The following ZHX2 variants were observed in gnomAD, a reference collection of about 807,000 sequenced individuals.
The protein encoded by ZHX2 is zinc fingers and homeoboxes protein 2.
ZHX2 carries 6 observed loss-of-function variants against 21.9 expected under a neutral mutation model. That is an observed-to-expected ratio of 0.27 (90% CI 0.15 to 0.54). ZHX2 has a LOEUF of 0.54. Among genes scored for constraint, ZHX2 ranks in the 20% least tolerant of loss-of-function variants. The pLI is 0.95. For synonymous variants in ZHX2, 434 were observed against 437.1 expected (o/e 0.99, Z 0.09); for missense variants, 908 against 1,090.7 (o/e 0.83, Z 2.36).
chr8:122,952,159 C>T lies in ZHX2; in HGVS notation c.649C>T (p.Arg217Cys), dbSNP rs750784294. Residue 217 changes from arginine (R) to cysteine (C), a missense_variant, in exon 3 of 4, where the codon CGC becomes TGC. Physicochemically the swap from Arg to Cys is radical, Grantham distance 180. Transcript: ENST00000314393. The surrounding 1 kb of genome is among the most constrained non-coding windows in gnomAD (Gnocchi z 6.9). ...CGAGAACCACGTGGAAGGGACCGCC[C>T]GCCTGGTGACAGACACAGCTGAGAT... ...TPENHVEGTA[R>C]LVTDTAEILS... 26 of 1,613,500 alleles carry T rather than the reference C, an allele frequency of 1.6e-5. No individual in the cohort carries two copies. Among genetic ancestry groups the T allele is most frequent in the East Asian group, 6.7e-5 (3 of 44,842 alleles).
At chr8:122,937,409 A>C in intron 2 of ZHX2, among the ~76,000 whole-genome samples, 1 of 152,170 alleles carries the variant, frequency 6.6e-6, no homozygotes, top group East Asian at 1.9e-4. Flanking sequence ...TAGATATGTT[A>C]AATCTGAGGT....
intron 3 of ZHX2, among the ~76,000 whole-genome samples, chr8:122,961,286 T>A (rs1233229754): frequency 6.6e-6 from 1 of 152,198 alleles, no homozygotes; most frequent in Non-Finnish European, 1.5e-5. Flanking sequence ...CCTATGAGAT[T>A]AGGACTTAAT....
At chr8:122,825,818 G>A (rs1457944858) in intron 1 of ZHX2, among the ~76,000 whole-genome samples, 1 of 152,146 alleles carries the variant, frequency 6.6e-6, no homozygotes, top group African/African-American at 2.4e-5. Flanking sequence ...AATGTCATTT[G>A]TCAGAAACCA....
chr8:122,790,797 G>A (rs1385207756), intron 1 of ZHX2, among the ~76,000 whole-genome samples: 4 of 151,988 alleles, frequency 2.6e-5, no homozygotes, highest in Non-Finnish European at 5.9e-5. Flanking sequence ...TAGTAGAGAC[G>A]GGGTTTCACC....
chr8:122,810,140 A>G (rs1458303397), intron 1 of ZHX2, among the ~76,000 whole-genome samples: 1 of 152,238 alleles, frequency 6.6e-6, no homozygotes, highest in African/African-American at 2.4e-5. Flanking sequence ...AATAAATGGC[A>G]TAAATGAAGA....
chr8:122,849,595 C>T (rs149328644), intron 1 of ZHX2, among the ~76,000 whole-genome samples: 8 of 152,266 alleles, frequency 5.3e-5, no homozygotes, highest in African/African-American at 7.2e-5. Flanking sequence ...TCTGTCTTCA[C>T]GTCACCTTCT....
chr8:122,908,296 T>C (rs375224588), intron 2 of ZHX2, among the ~76,000 whole-genome samples: 9 of 152,138 alleles, frequency 5.9e-5, no homozygotes, highest in African/African-American at 1.9e-4. Context: ...GCCTCCCGAG[T>C]TCAAGAGATT....
At chr8:122,875,356 C>G (rs1044200339) in intron 2 of ZHX2, among the ~76,000 whole-genome samples, 1 of 151,612 alleles carries the variant, frequency 6.6e-6, no homozygotes, top group East Asian at 1.9e-4. Context: ...AATATGCAAC[C>G]GAGGTTGCAT....
chr8:122,907,884 A>AGG (rs1194304188), intron 2 of ZHX2, among the ~76,000 whole-genome samples: 4 of 152,180 alleles, frequency 2.6e-5, no homozygotes, highest in Admixed American at 2.0e-4. Context: ...GCACTACAGT[A>AGG]GGGGTTTTTT....
chr8:122,892,891 G>A lies in ZHX2; in HGVS notation c.-220+29352G>A, dbSNP rs554342431. On this transcript the variant is annotated intron_variant, in intron 2 of 3. Coordinates refer to ENST00000314393, the MANE Select transcript of ZHX2 (RefSeq NM_014943.5). ...AGTAGAGATGGGGTTTCACTATGTT[G>A]GCCAGACTGGTATCAAACTTCAGAC... Among the ~76,000 whole-genome samples the A allele has an allele frequency of 2.0e-5, 3 of 152,168 alleles. No individual in the cohort carries two copies. In the East Asian group the frequency reaches 5.8e-4, roughly 29 times the overall value.
chr8:122,886,707 T>C (rs149010374), intron 2 of ZHX2, among the ~76,000 whole-genome samples: 1 of 152,324 alleles, frequency 6.6e-6, no homozygotes, highest in East Asian at 1.9e-4. Context: ...AAAATTATTG[T>C]AATCATAATA....
At chr8:122,824,142 A>G (rs1353550363) in intron 1 of ZHX2, among the ~76,000 whole-genome samples, 1 of 151,988 alleles carries the variant, frequency 6.6e-6, no homozygotes, top group African/African-American at 2.4e-5. Flanking sequence ...GTCAAAGCTG[A>G]CCCTGGGAGG....
chr8:122,944,670 A>G (rs1812925580), intron 2 of ZHX2, among the ~76,000 whole-genome samples: 1 of 152,168 alleles, frequency 6.6e-6, no homozygotes. Context: ...TTCGGCAACT[A>G]GAACAGCATC....
intron 1 of ZHX2, among the ~76,000 whole-genome samples, chr8:122,836,899 A>G (rs1258133549): frequency 6.6e-6 from 1 of 152,178 alleles, no homozygotes; most frequent in Non-Finnish European, 1.5e-5. Flanking sequence ...CAATTAGGGC[A>G]TTCTAAGGCA....
At chr8:122,870,658 AAAAAAAAAG>A (rs1250441103) in intron 2 of ZHX2, among the ~76,000 whole-genome samples, 7 of 143,882 alleles carry the variant, frequency 4.9e-5, no homozygotes, top group African/African-American at 1.4e-4. Context: ...AAAAAAAAAA[AAAAAAAAAG>A]AAAGAGAAAG....
intron 1 of ZHX2, among the ~76,000 whole-genome samples, chr8:122,822,045 G>A (rs980768377): frequency 3.3e-5 from 5 of 152,132 alleles, no homozygotes; most frequent in Non-Finnish European, 7.3e-5. Context: ...GCCCTATTGA[G>A]AGAGGATGCC....
At chr8:122,784,704 A>G (rs1449568842) in intron 1 of ZHX2, among the ~76,000 whole-genome samples, 12 of 152,364 alleles carry the variant, frequency 7.9e-5, no homozygotes, top group Middle Eastern at 3.4e-3. Context: ...TATGCCAGGC[A>G]CTATCCCAAG....
rs757344942 is a variant in ZHX2 at position 122,953,603 on chromosome 8, C to T, written c.2093C>T (p.Pro698Leu). Residue 698 changes from proline (P) to leucine (L), a missense_variant, in exon 3 of 4, where the codon CCC becomes CTC. By Grantham distance (98) the Pro-to-Leu change is moderately conservative. Coordinates refer to ENST00000314393, the MANE Select transcript of ZHX2 (RefSeq NM_014943.5). This position sits in a 1 kb window ranked among gnomAD's most constrained non-coding sequence, Gnocchi z 4.6. ...VKWMEQYQHQ[P>L]MADDHGYDAV... ...TGGATGGAGCAGTACCAGCACCAGC[C>T]CATGGCAGATGATCACGGCTACGAT... 1 of 1,614,158 alleles carries T rather than the reference C, an allele frequency of 6.2e-7. No homozygotes were observed. The highest frequency in any genetic ancestry group is 1.1e-5 in the South Asian group (1 of 91,088).
At chr8:122,886,948 T>C (rs534919364) in intron 2 of ZHX2, among the ~76,000 whole-genome samples, 6 of 152,076 alleles carry the variant, frequency 3.9e-5, no homozygotes, top group Non-Finnish European at 4.4e-5. Flanking sequence ...GAGGCTCAGA[T>C]AGGTTAAGGC....
Sources: gnomAD v4.1 joint callset for allele counts (sites outside exome capture counted in the v4.1 genomes callset) on GRCh38, gnomAD v4.1.1 for gene constraint, Gnocchi (gnomAD v3.1) non-coding constraint, MANE v1.5 for transcripts, NCBI Gene and HGNC (gene_info 2026-07-23, HGNC 2026-07-21) for gene names.